The following EXOC6B variants were observed in gnomAD, a reference collection of about 807,000 sequenced individuals.
EXOC6B encodes exocyst complex component 6B, also known as SEC15 homolog B.
EXOC6B carries 54 observed loss-of-function variants against 113.5 expected under a neutral mutation model. The observed-to-expected ratio is 0.48, with a 90% CI of 0.38 to 0.60. The LOEUF is 0.60. Ranked by LOEUF, EXOC6B falls within the 20% of genes least tolerant of loss-of-function variation. The pLI is 0.00. For missense variants in EXOC6B, 797 were observed against 977.5 expected, an observed-to-expected ratio of 0.82 and a Z score of 2.46; for synonymous variants, 357 against 339.0, an observed-to-expected ratio of 1.05 and a Z score of -0.58.
intron 20 of EXOC6B, among the ~76,000 whole-genome samples, chr2:72,326,421 G>A (rs777298405): frequency 5.3e-5 from 8 of 152,118 alleles, no homozygotes; most frequent in South Asian, 2.1e-4. Flanking sequence ...GCAGCAAGGC[G>A]TCTCACAGGT....
At chr2:72,764,207 C>T (rs1276582207) in intron 1 of EXOC6B, among the ~76,000 whole-genome samples, 1 of 151,858 alleles carries the variant, frequency 6.6e-6, no homozygotes, top group African/African-American at 2.4e-5. Context: ...TCCTTTTCCT[C>T]TCCTCTCAAT....
chr2:72,510,577 A>C (rs1369779348), intron 11 of EXOC6B, among the ~76,000 whole-genome samples: 4 of 151,582 alleles, frequency 2.6e-5, no homozygotes, highest in African/African-American at 9.7e-5. Context: ...TCAGACATTA[A>C]ATGAAAAACA....
intron 19 of EXOC6B, among the ~76,000 whole-genome samples, chr2:72,377,314 G>A (rs974431515): frequency 1.1e-4 from 16 of 152,062 alleles, no homozygotes; most frequent in Non-Finnish European, 2.1e-4. Context: ...TAGTTTTAAC[G>A]TATACAACTA....
chr2:72,199,757 G>A (rs901352228), intron 20 of EXOC6B, among the ~76,000 whole-genome samples: 8 of 152,102 alleles, frequency 5.3e-5, no homozygotes, highest in African/African-American at 1.7e-4. Flanking sequence ...ATTCTGCCTG[G>A]CATTTTCAAA....
At chr2:72,776,348 G>A (rs1412871131) in intron 1 of EXOC6B, among the ~76,000 whole-genome samples, 4 of 152,216 alleles carry the variant, frequency 2.6e-5, no homozygotes, top group Non-Finnish European at 5.9e-5. Flanking sequence ...CAGGAGAGGT[G>A]GCTCACGCCT....
chr2:72,322,115 G>A (rs1687873870), intron 20 of EXOC6B, among the ~76,000 whole-genome samples: 1 of 152,058 alleles, frequency 6.6e-6, no homozygotes, highest in Non-Finnish European at 1.5e-5. Context: ...ACAAACAGTT[G>A]TACATGAATG....
At position 72,399,560 on chromosome 2, in the gene EXOC6B, G is replaced by A. The variant is rs569081367; in HGVS notation, c.1981-19690C>T. Reference sequence around the variant, plus strand: ...CTATACCCTAAAGACAATACCAAACGATTCTGGGATTTGACAAATAACTTT... The same window carrying A: ...CTATACCCTAAAGACAATACCAAACAATTCTGGGATTTGACAAATAACTTT... On this transcript the variant is annotated intron_variant, in intron 18 of 21. Coordinates refer to ENST00000272427, the MANE Select transcript of EXOC6B (RefSeq NM_015189.3). 1.9e-4 allele frequency among the ~76,000 whole-genome samples: 29 copies of A among 152,166 alleles called. No homozygotes were observed. The East Asian group carries it at 4.6e-3, about 24-fold the overall frequency.
At chr2:72,475,812 G>C (rs1698704882) in intron 17 of EXOC6B, among the ~76,000 whole-genome samples, 1 of 152,084 alleles carries the variant, frequency 6.6e-6, no homozygotes, top group Non-Finnish European at 1.5e-5. Context: ...AGCCCAAGTG[G>C]CACTCTTTCC....
At chr2:72,648,139 CAGA>C (rs1476074157) in intron 6 of EXOC6B, among the ~76,000 whole-genome samples, 1 of 152,194 alleles carries the variant, frequency 6.6e-6, no homozygotes, top group African/African-American at 2.4e-5. Flanking sequence ...AGCCACTTCT[CAGA>C]AGAAGACATT....
intron 8 of EXOC6B, among the ~76,000 whole-genome samples, chr2:72,532,066 G>A (rs1457021994): frequency 6.6e-6 from 1 of 152,120 alleles, no homozygotes; most frequent in East Asian, 1.9e-4. Context: ...ACAGCCCAAT[G>A]TTCTTCAATA....
chr2:72,317,344 CTAAAT>C (rs1687580927), intron 20 of EXOC6B, among the ~76,000 whole-genome samples: 1 of 152,004 alleles, frequency 6.6e-6, no homozygotes, highest in Non-Finnish European at 1.5e-5. Context: ...CTCCCTCTAA[CTAAAT>C]TAAACATCTC....
intron 19 of EXOC6B, chr2:72,335,302 G>A (rs903544037): frequency 3.2e-5 from 9 of 282,300 alleles, no homozygotes; most frequent in African/African-American, 6.6e-5. Context: ...TTTGTGAATG[G>A]ACAAACAACT....
intron 18 of EXOC6B, chr2:72,463,470 T>C (rs988892228): frequency 6.6e-6 from 1 of 152,178 alleles, no homozygotes; most frequent in Non-Finnish European, 1.5e-5. Context: ...GCAGCTTTCC[T>C]TGTGGGCATT....
chr2:72,333,117 A>G (rs1688500780), intron 20 of EXOC6B, among the ~76,000 whole-genome samples: 1 of 152,124 alleles, frequency 6.6e-6, no homozygotes. Context: ...ATTACCAGTA[A>G]AATTTTGGAT....
intron 7 of EXOC6B, among the ~76,000 whole-genome samples, chr2:72,574,358 T>C (rs1302674839): frequency 6.6e-6 from 1 of 152,032 alleles, no homozygotes; most frequent in East Asian, 1.9e-4. Flanking sequence ...GAAACCAATG[T>C]TTTCTCACCA....
chr2:72,370,611 C>A (rs1690937933), intron 19 of EXOC6B, among the ~76,000 whole-genome samples: 1 of 152,080 alleles, frequency 6.6e-6, no homozygotes, highest in South Asian at 2.1e-4. Context: ...TGGAATCAAC[C>A]CAAATGTCCG....
chr2:72,680,698 G>T (rs946249767), intron 6 of EXOC6B, among the ~76,000 whole-genome samples: 1 of 150,910 alleles, frequency 6.6e-6, no homozygotes, highest in African/African-American at 2.4e-5. Flanking sequence ...GAGATCTTGC[G>T]ACTGCACTAC....
At chr2:72,496,948 CATT>C (rs57708306) in intron 13 of EXOC6B, among the ~76,000 whole-genome samples, 50,740 of 137,474 alleles carry the variant, frequency 0.37, 9,487 homozygotes, top group African/African-American at 0.44. Context: ...TATAAATGTA[CATT>C]ATTATTATTA....
chr2:72,488,149 A>G (rs912419593), intron 16 of EXOC6B, among the ~76,000 whole-genome samples: 1 of 152,088 alleles, frequency 6.6e-6, no homozygotes, highest in Non-Finnish European at 1.5e-5. Flanking sequence ...CTTTTTATCA[A>G]TCAGCAGTAT....
Sources: gnomAD v4.1 joint callset for allele counts (sites outside exome capture counted in the v4.1 genomes callset) on GRCh38, gnomAD v4.1.1 for gene constraint, MANE v1.5 for transcripts, NCBI Gene and HGNC (gene_info 2026-07-23, HGNC 2026-07-21) for gene names.